Variants in DPYS observed in about 807,000 individuals in gnomAD.
The protein encoded by DPYS is dihydropyrimidinase.
Under a neutral mutation model 50.3 loss-of-function variants are expected in DPYS, and 39 were observed. The ratio of observed to expected loss-of-function variants is 0.78; its 90% confidence interval spans 0.60 to 1.01. The LOEUF (loss-of-function observed/expected upper bound fraction) is 1.01. DPYS is among the 50% of genes least tolerant of loss of function. DPYS has a pLI of 0.00. For missense variants in DPYS, 659 were observed against 680.9 expected (o/e 0.97, Z 0.36); for synonymous variants, 245 against 250.7 (o/e 0.98, Z 0.22).
chr8:104,402,264 T>C (rs935338111), intron 7 of DPYS, among the ~76,000 whole-genome samples: 4 of 152,238 alleles, frequency 2.6e-5, no homozygotes, highest in African/African-American at 9.6e-5. Context: ...AATAAGTTAT[T>C]AGCAAATTTC....
At chr8:104,452,191 TATTAC>T (rs1375532436) in intron 1 of DPYS, among the ~76,000 whole-genome samples, 3 of 152,260 alleles carry the variant, frequency 2.0e-5, no homozygotes, top group Non-Finnish European at 1.5e-5. Flanking sequence ...TAGCACATTA[TATTAC>T]ATTACATCAC....
In DPYS at chr8:104,430,077, T is replaced by A. The variant is rs1472941113; in HGVS notation, c.794-376A>T. ...GCTATGGAGTAATAATTTCTCTACA[T>A]TTACATTACATACAGTCTATGTGGT... On this transcript the variant is annotated intron_variant, in intron 4 of 9. Coordinates refer to ENST00000351513, the MANE Select transcript of DPYS (RefSeq NM_001385.3). Among the ~76,000 whole-genome samples the A allele has an allele frequency of 2.0e-5, 3 of 152,192 alleles. No individual in the cohort carries two copies. The East Asian group carries it at 5.8e-4, about 29-fold the overall frequency.
At chr8:104,413,191 T>C (rs973798246) in intron 7 of DPYS, among the ~76,000 whole-genome samples, 4 of 152,118 alleles carry the variant, frequency 2.6e-5, no homozygotes, top group African/African-American at 7.2e-5. Flanking sequence ...TCATAAAGCA[T>C]AATAGTATAA....
chr8:104,382,002 T>C (rs1811068601), intron 8 of DPYS, among the ~76,000 whole-genome samples: 2 of 152,194 alleles, frequency 1.3e-5, no homozygotes, highest in South Asian at 4.1e-4. Flanking sequence ...GAATTCTCCA[T>C]TTGCCATTTA....
Position 104,418,273 on chromosome 8 carries a change from C to G in DPYS, c.1235+5974G>C, listed in dbSNP as rs142776352. Among the ~76,000 whole-genome samples the G allele has an allele frequency of 3.6e-3, 541 of 152,216 alleles. 3 individuals are homozygous for G. The highest frequency in any genetic ancestry group is 0.011 in the African/African-American group (447 of 41,504). On this transcript the variant is annotated intron_variant, in intron 7 of 9. Coordinates refer to ENST00000351513, the MANE Select transcript of DPYS (RefSeq NM_001385.3). ...TTCCTGTTAGATACTAACAAGACGG[C>G]TGGGCAATTATTTTTGCTAAAACTG...
chr8:104,406,955 A>G (rs977715123), intron 7 of DPYS, among the ~76,000 whole-genome samples: 5 of 152,102 alleles, frequency 3.3e-5, no homozygotes, highest in Non-Finnish European at 7.4e-5. Context: ...AAAAGCATTC[A>G]CCCTTGACAT....
intron 8 of DPYS, among the ~76,000 whole-genome samples, chr8:104,382,534 C>A (rs573200678): frequency 2.1e-5 from 3 of 144,808 alleles, no homozygotes; most frequent in Non-Finnish European, 4.4e-5. Flanking sequence ...GGTCCTTGGT[C>A]CCTGTTTTTT....
rs149742586 is a variant in DPYS at position 104,396,938 on chromosome 8, T to G, written c.1236-3947A>C. ...TCTTTATATTAAGTCATTATGTAAA[T>G]GAAGTCATATTAACACAAAATGTAA... On this transcript the variant is annotated intron_variant, in intron 7 of 9. Transcript: ENST00000351513. Among the ~76,000 whole-genome samples the G allele has an allele frequency of 5.3e-5, 8 of 152,046 alleles. No homozygotes were observed. In the East Asian group the frequency reaches 1.5e-3, roughly 29 times the overall value.
intron 7 of DPYS, among the ~76,000 whole-genome samples, chr8:104,410,730 T>C (rs1023841703): frequency 6.6e-5 from 10 of 152,200 alleles, no homozygotes; most frequent in African/African-American, 2.2e-4. Flanking sequence ...AAATCTGCTA[T>C]ACTTCACCTA....
chr8:104,387,085 G>A (rs1262443192), intron 8 of DPYS, among the ~76,000 whole-genome samples: 29 of 152,112 alleles, frequency 1.9e-4, no homozygotes, highest in Admixed American at 1.9e-3. Context: ...ACAGCAAGCA[G>A]ACCAAATGAA....
At chr8:104,399,895 G>C (rs372895451) in intron 7 of DPYS, among the ~76,000 whole-genome samples, 20 of 124,236 alleles carry the variant, frequency 1.6e-4, no homozygotes, top group Admixed American at 7.2e-4. Context: ...AAAAAAGAAA[G>C]AAACTACTTT....
At chr8:104,424,415 C>T (rs1213952069) in intron 6 of DPYS, 26 bp from the exon 7 acceptor site, 1 of 1,611,022 alleles carries the variant, frequency 6.2e-7, no homozygotes. Flanking sequence ...AAGAATCATT[C>T]TAATGATCAA....
At chr8:104,449,152 C>T (rs1173988832) in intron 2 of DPYS, among the ~76,000 whole-genome samples, 2 of 152,150 alleles carry the variant, frequency 1.3e-5, no homozygotes, top group African/African-American at 2.4e-5. Context: ...AGGGACAGAA[C>T]ATGGGACAGT....
rs117104587 is a variant in DPYS, at chr8:104,428,043, G to C, written c.1029C>G (p.Thr343=). Residue 343 remains threonine, a synonymous_variant, in exon 6 of 10, where the codon ACC becomes ACG. Coordinates refer to ENST00000351513, the MANE Select transcript of DPYS (RefSeq NM_001385.3). The part of the protein sequence containing the change: ...CQKALGKDDF[T]KIPNGVNGVE... ...CACCATTCACCCCATTGGGGATCTT[G>C]GTAAAATCATCCTTCCCAAGAGCTT... 0.011 allele frequency: 17,294 copies of C among 1,614,194 alleles called. 123 individuals are homozygous for C. The highest frequency in any genetic ancestry group is 0.019 in the South Asian group (1,768 of 91,084).
chr8:104,415,278 C>T (rs973604978), intron 7 of DPYS, among the ~76,000 whole-genome samples: 1 of 152,206 alleles, frequency 6.6e-6, no homozygotes, highest in Non-Finnish European at 1.5e-5. Flanking sequence ...GCCTTTCACA[C>T]AGCCTCGCTT....
chr8:104,445,955 G>C (rs1481685613), intron 3 of DPYS, among the ~76,000 whole-genome samples: 1 of 152,186 alleles, frequency 6.6e-6, no homozygotes, highest in Non-Finnish European at 1.5e-5. Context: ...TGAGGCAGGA[G>C]AATGGTGTGA....
At chr8:104,442,077 G>A (rs886247470) in intron 4 of DPYS, among the ~76,000 whole-genome samples, 1 of 152,170 alleles carries the variant, frequency 6.6e-6, no homozygotes, top group African/African-American at 2.4e-5. Flanking sequence ...TACTTATACT[G>A]TATGGGAAGA....
chr8:104,451,317 G>A lies in DPYS; in HGVS notation c.352C>T (p.Arg118Ter), dbSNP rs546700169. Residue 118 changes from arginine (R) to a stop codon, truncating the protein, a stop_gained, in exon 2 of 10, where the codon CGA (arginine) becomes TGA (stop). Coordinates refer to ENST00000351513, the MANE Select transcript of DPYS (RefSeq NM_001385.3). LOFTEE classifies it high-confidence loss of function. ...GSLIEAFETWRSWADPKVCCD... is the reference protein window; with the variant it reads ...GSLIEAFETW ...CAAACTTTGGGATCAGCCCAGCTTC[G>A]CCAGGTCTCGAAGGCCTCAATGAGG... 128 of 1,614,142 alleles carry A rather than the reference G, an allele frequency of 7.9e-5. No individual in the cohort carries two copies. Among genetic ancestry groups the A allele is most frequent in the Non-Finnish European group, 1.0e-4 (122 of 1,180,022 alleles).
At chr8:104,406,715 T>C (rs965020569) in intron 7 of DPYS, among the ~76,000 whole-genome samples, 1 of 152,208 alleles carries the variant, frequency 6.6e-6, no homozygotes, top group African/African-American at 2.4e-5. Flanking sequence ...ATGAAGGCAG[T>C]AGCCTTGCAG....
Sources: allele counts gnomAD v4.1 joint callset (sites outside exome capture counted in the v4.1 genomes callset), GRCh38; gene constraint gnomAD v4.1.1; transcripts MANE v1.5; gene names NCBI Gene and HGNC (gene_info 2026-07-23, HGNC 2026-07-21).